L3MBTL4: variants seen among roughly 807,000 people sequenced by gnomAD.
L3MBTL4 encodes lethal(3)malignant brain tumor-like protein 4.
L3MBTL4 carries 70 observed loss-of-function variants against 84.5 expected under a neutral mutation model. That is an observed-to-expected ratio of 0.83 (90% CI 0.68 to 1.01). L3MBTL4 has a LOEUF of 1.01. L3MBTL4 is among the 50% of genes least tolerant of loss of function. The pLI, the probability that L3MBTL4 is intolerant of heterozygous loss-of-function variation, is 0.00. For missense variants in L3MBTL4, 715 were observed against 754.8 expected, an observed-to-expected ratio of 0.95 and a Z score of 0.62; for synonymous variants, 274 against 259.8, an observed-to-expected ratio of 1.05 and a Z score of -0.52.
At chr18:6,351,914 GGCCTCAAGCAATCCTCCT>G (rs1280961158) in intron 1 of L3MBTL4, among the ~76,000 whole-genome samples, 6 of 151,942 alleles carry the variant, frequency 3.9e-5, no homozygotes, top group African/African-American at 1.5e-4. Flanking sequence ...TCAAACTCCT[GGCCTCAAGCAATCCTCCT>G]GCCTCAGCCC....
chr18:6,133,692 G>T (rs2059944793), intron 14 of L3MBTL4, among the ~76,000 whole-genome samples: 1 of 152,182 alleles, frequency 6.6e-6, no homozygotes, highest in South Asian at 2.1e-4. Context: ...TGATGGTCAG[G>T]TGGTTGTTCG....
chr18:6,295,942 G>A (rs1432002921), intron 4 of L3MBTL4, among the ~76,000 whole-genome samples: 1 of 152,158 alleles, frequency 6.6e-6, no homozygotes, highest in East Asian at 1.9e-4. Context: ...GATAGTAAAT[G>A]GCATCTGTAT....
intron 1 of L3MBTL4, among the ~76,000 whole-genome samples, chr18:6,392,873 A>G (rs1568597956): frequency 6.6e-6 from 1 of 152,218 alleles, no homozygotes; most frequent in Non-Finnish European, 1.5e-5. Flanking sequence ...CTCAGCTATG[A>G]GGACACAAAG....
intron 12 of L3MBTL4, among the ~76,000 whole-genome samples, chr18:6,173,079 G>C (rs1568253361): frequency 1.3e-5 from 2 of 152,210 alleles, no homozygotes; most frequent in Non-Finnish European, 2.9e-5. Context: ...TAAAGGTAGA[G>C]CCTAACACTG....
intron 10 of L3MBTL4, among the ~76,000 whole-genome samples, chr18:6,227,954 A>C (rs2046844164): frequency 6.6e-6 from 1 of 152,234 alleles, no homozygotes. Context: ...AGCATGAGCC[A>C]TCATGCCAGG....
At chr18:6,343,661 C>CAAA (rs1192917126) in intron 1 of L3MBTL4, among the ~76,000 whole-genome samples, 13 of 85,802 alleles carry the variant, frequency 1.5e-4, no homozygotes, top group African/African-American at 4.2e-4. Flanking sequence ...GACACCATAT[C>CAAA]AAAAAAAAAA....
intron 16 of L3MBTL4, among the ~76,000 whole-genome samples, chr18:5,997,641 G>A (rs999543250): frequency 2.0e-5 from 3 of 151,908 alleles, no homozygotes; most frequent in Non-Finnish European, 4.4e-5. Flanking sequence ...CTTTCCAGAC[G>A]GAACCAATGT....
chr18:6,126,381 A>G (rs939919859), intron 14 of L3MBTL4, among the ~76,000 whole-genome samples: 6 of 152,188 alleles, frequency 3.9e-5, no homozygotes, highest in Admixed American at 1.3e-4. Context: ...AAGGTGACTT[A>G]AAATTACCAG....
chr18:6,049,606 A>G (rs996328271), intron 16 of L3MBTL4, among the ~76,000 whole-genome samples: 3 of 152,246 alleles, frequency 2.0e-5, no homozygotes, highest in African/African-American at 4.8e-5. Flanking sequence ...TAAGTGAATT[A>G]ACACCAGAAC....
intron 3 of L3MBTL4, 30 bp downstream of exon 3, chr18:6,311,524 T>G: frequency 1.3e-6 from 2 of 1,592,796 alleles, no homozygotes; most frequent in Non-Finnish European, 1.7e-6. Flanking sequence ...TCACACACTG[T>G]GAGGAAGGGT....
intron 18 of L3MBTL4, among the ~76,000 whole-genome samples, chr18:5,957,781 C>A (rs1481916324): frequency 6.6e-6 from 1 of 151,234 alleles, no homozygotes; most frequent in Non-Finnish European, 1.5e-5. Flanking sequence ...CATGGTGAGA[C>A]CCCCCGCCCC....
chr18:6,176,162 CA>C lies in L3MBTL4; in HGVS notation c.982-4221del, dbSNP rs562096404. Among the ~76,000 whole-genome samples, 8 of 152,148 alleles carry C rather than the reference CA, an allele frequency of 5.3e-5. No individual in the cohort carries two copies. In the South Asian group the frequency reaches 1.5e-3, roughly 28 times the overall value. On this transcript the variant is annotated intron_variant, in intron 12 of 18. Coordinates refer to ENST00000317931, the MANE Select transcript of L3MBTL4 (RefSeq NM_001330559.2). ...TCCATAAATTCAATTTAATCCTACTCAAAAAGGTAGGCCTTTTGTTTTGTAT... is the reference window on the plus strand; with the variant it reads ...TCCATAAATTCAATTTAATCCTACTCAAAAGGTAGGCCTTTTGTTTTGTAT...
chr18:6,266,565 G>C (rs2846431), intron 4 of L3MBTL4, among the ~76,000 whole-genome samples: 18,804 of 152,120 alleles, frequency 0.12, 3,794 homozygotes, highest in African/African-American at 0.42. Flanking sequence ...ATACAACAAT[G>C]TGACTGAATA....
At chr18:6,183,897 CATT>C (rs1202371720) in intron 12 of L3MBTL4, among the ~76,000 whole-genome samples, 1 of 152,140 alleles carries the variant, frequency 6.6e-6, no homozygotes, top group Non-Finnish European at 1.5e-5. Flanking sequence ...ATACAATTCT[CATT>C]ATAACATTAA....
chr18:6,342,802 T>TA (rs58017107), intron 1 of L3MBTL4, among the ~76,000 whole-genome samples: 29,629 of 151,878 alleles, frequency 0.2, 3,651 homozygotes, highest in African/African-American at 0.35. Context: ...GAATTTTTTT[T>TA]AAAAAAAGAT....
At chr18:6,188,595 G>A (rs2044901736) in intron 12 of L3MBTL4, among the ~76,000 whole-genome samples, 1 of 152,214 alleles carries the variant, frequency 6.6e-6, no homozygotes, top group Non-Finnish European at 1.5e-5. Flanking sequence ...CAGCTCAGGG[G>A]CCTGTGCTGA....
At chr18:6,069,228 C>T (rs984576655) in intron 16 of L3MBTL4, among the ~76,000 whole-genome samples, 1 of 152,204 alleles carries the variant, frequency 6.6e-6, no homozygotes, top group Admixed American at 6.5e-5. Flanking sequence ...GGCTCAGGAC[C>T]TCTGGTTAGT....
At chr18:6,239,936 A>G in intron 8 of L3MBTL4, 64 bp from the exon 9 acceptor site, 1 of 1,555,402 alleles carries the variant, frequency 6.4e-7, no homozygotes, top group Non-Finnish European at 8.8e-7. Context: ...GGACTGAGCC[A>G]CTGTCAAAAC....
intron 17 of L3MBTL4, among the ~76,000 whole-genome samples, chr18:5,964,925 T>C (rs560418048): frequency 2.0e-4 from 30 of 152,344 alleles, no homozygotes; most frequent in Non-Finnish European, 2.9e-4. Context: ...CTGTGCAAGA[T>C]GCTTTGCAAT....
Sources: gnomAD v4.1 joint callset for allele counts (sites outside exome capture counted in the v4.1 genomes callset) on GRCh38, gnomAD v4.1.1 for gene constraint, MANE v1.5 for transcripts, NCBI Gene and HGNC (gene_info 2026-07-23, HGNC 2026-07-21) for gene names.